Variants in MCTP2 observed in about 807,000 individuals in gnomAD.
MCTP2 encodes multiple C2 and transmembrane domain containing 2, also known as multiple C2 and transmembrane domain-containing protein 2.
MCTP2 carries 132 observed loss-of-function variants against 111.6 expected under a neutral mutation model. That is an observed-to-expected ratio of 1.18 (90% confidence interval 1.03 to 1.37). The LOEUF is 1.37. Ranked by LOEUF, MCTP2 falls within the 40% of genes most tolerant of loss-of-function variation. The pLI, the probability that MCTP2 is intolerant of heterozygous loss-of-function variation, is 0.00. For missense variants in MCTP2, 1,183 were observed against 1,067.9 expected (o/e 1.11, Z -1.50); for synonymous variants, 395 against 387.7 (o/e 1.02, Z -0.22).
intron 17 of MCTP2, among the ~76,000 whole-genome samples, chr15:94,424,613 T>C (rs1382001755): frequency 6.6e-6 from 1 of 152,176 alleles, no homozygotes; most frequent in Non-Finnish European, 1.5e-5. Context: ...CACTAGGTTT[T>C]GGGATATACA....
At chr15:94,377,179 A>G (rs1467192117) in intron 12 of MCTP2, among the ~76,000 whole-genome samples, 1 of 152,182 alleles carries the variant, frequency 6.6e-6, no homozygotes, top group Non-Finnish European at 1.5e-5. Flanking sequence ...ACATGCCCAT[A>G]TTATGGTTTC....
intron 20 of MCTP2, among the ~76,000 whole-genome samples, chr15:94,468,008 T>A (rs2073544745): frequency 6.6e-6 from 1 of 151,900 alleles, no homozygotes; most frequent in Non-Finnish European, 1.5e-5. Context: ...CCTGGCCAAA[T>A]CTAGACATTG....
chr15:94,467,030 TTATTAAA>T (rs1452597708), intron 20 of MCTP2, among the ~76,000 whole-genome samples: 2 of 152,214 alleles, frequency 1.3e-5, no homozygotes, highest in African/African-American at 4.8e-5. Context: ...TAGCTAACAC[TTATTAAA>T]TAGTGACTAT....
chr15:94,305,879 T>A (rs932964965), intron 2 of MCTP2, among the ~76,000 whole-genome samples: 14 of 152,198 alleles, frequency 9.2e-5, no homozygotes, highest in Non-Finnish European at 1.8e-4. Context: ...TATTTTTTTC[T>A]TCTTATCTAG....
In MCTP2 at chr15:94,356,287, A is replaced by G. The variant is rs1362915293; in HGVS notation, c.1156A>G (p.Arg386Gly). Residue 386 changes from arginine to glycine, a missense_variant, in exon 9 of 23, where the codon AGG becomes GGG. By Grantham distance (125) the Arg-to-Gly change is moderately radical (BLOSUM62 -2). Coordinates refer to ENST00000357742, the MANE Select transcript of MCTP2 (RefSeq NM_001385001.1). ...MFVQLKLGDQ[R>G]YKSKTLCKSA... ...TGTCCAGTTAAAACTGGGAGATCAG[A>G]GGTATAAAAGTAAGGTAAGTTCCAT... 1 of 1,606,456 alleles carries G rather than the reference A, an allele frequency of 6.2e-7. No homozygotes were observed. The highest frequency in any genetic ancestry group is 8.5e-7 in the Non-Finnish European group (1 of 1,176,816).
intron 14 of MCTP2, among the ~76,000 whole-genome samples, chr15:94,392,174 A>G (rs890267398): frequency 2.0e-5 from 3 of 152,034 alleles, no homozygotes; most frequent in African/African-American, 4.8e-5. Flanking sequence ...GATCGAGACT[A>G]TACTGGCTAA....
intron 1 of MCTP2, among the ~76,000 whole-genome samples, chr15:94,280,314 A>G (rs955257568): frequency 1.3e-5 from 2 of 151,028 alleles, no homozygotes; most frequent in African/African-American, 4.9e-5. Flanking sequence ...CAGAATTTCA[A>G]TTTCTTCTTG....
chr15:94,347,214 C>T (rs144826016), intron 8 of MCTP2, among the ~76,000 whole-genome samples: 2 of 152,246 alleles, frequency 1.3e-5, no homozygotes, highest in East Asian at 1.9e-4. Context: ...GACGCTTGAT[C>T]AACAACCTGT....
At chr15:94,418,967 A>G (rs1330712773) in intron 17 of MCTP2, among the ~76,000 whole-genome samples, 1 of 152,142 alleles carries the variant, frequency 6.6e-6, no homozygotes, top group Non-Finnish European at 1.5e-5. Context: ...AAGATAATAC[A>G]TTTTATATGT....
chr15:94,257,852 C>T (rs1056068976), intron 1 of MCTP2, among the ~76,000 whole-genome samples: 5 of 150,150 alleles, frequency 3.3e-5, no homozygotes, highest in African/African-American at 9.8e-5. Flanking sequence ...CCCAAAGTGT[C>T]AGGATTACAG....
intron 1 of MCTP2, among the ~76,000 whole-genome samples, chr15:94,256,702 C>T (rs562843384): frequency 4.6e-5 from 7 of 152,324 alleles, no homozygotes; most frequent in African/African-American, 1.4e-4. Flanking sequence ...CCATGTTCCT[C>T]TTTCCTGAGT....
intron 17 of MCTP2, chr15:94,403,163 T>C: frequency 1.0e-6 from 1 of 985,676 alleles, no homozygotes; most frequent in Non-Finnish European, 1.2e-6. Flanking sequence ...AGAGGACCTA[T>C]GCTGCCTGTA....
intron 21 of MCTP2, among the ~76,000 whole-genome samples, chr15:94,471,279 G>C (rs138085937): frequency 3.3e-5 from 5 of 152,130 alleles, no homozygotes; most frequent in Non-Finnish European, 7.3e-5. Context: ...CTCAATGCTC[G>C]TCACTTCCAG....
intron 1 of MCTP2, among the ~76,000 whole-genome samples, chr15:94,233,438 A>G (rs1276601960): frequency 6.6e-6 from 1 of 152,134 alleles, no homozygotes; most frequent in Non-Finnish European, 1.5e-5. Context: ...CTAATTTCCT[A>G]TTATTGGTGT....
intron 15 of MCTP2, chr15:94,399,693 G>A: frequency 2.2e-6 from 1 of 446,358 alleles, no homozygotes; most frequent in Non-Finnish European, 4.0e-6. Flanking sequence ...AATGAGCAAA[G>A]TGGAGACAGT....
chr15:94,432,131 A>G (rs1443474365), intron 17 of MCTP2, among the ~76,000 whole-genome samples: 1 of 152,134 alleles, frequency 6.6e-6, no homozygotes, highest in Non-Finnish European at 1.5e-5. Context: ...ACTTCCTGAG[A>G]TGTTGTTCTT....
intron 2 of MCTP2, among the ~76,000 whole-genome samples, chr15:94,302,879 A>G (rs990895543): frequency 5.9e-5 from 9 of 151,928 alleles, no homozygotes; most frequent in Non-Finnish European, 1.3e-4. Flanking sequence ...GGGGCAAATT[A>G]CAAAAGAAAG....
chr15:94,388,400 A>G (rs1299926137), intron 14 of MCTP2, among the ~76,000 whole-genome samples: 1 of 152,284 alleles, frequency 6.6e-6, no homozygotes, highest in Non-Finnish European at 1.5e-5. Context: ...CTTCTAGTGC[A>G]TCTGTGTGGG....
chr15:94,341,666 T>A (rs1011426946), intron 7 of MCTP2: 6 of 152,170 alleles, frequency 3.9e-5, no homozygotes, highest in African/African-American at 1.2e-4. Context: ...GTTGTAGCTT[T>A]TTATGATGAA....
Sources: gnomAD v4.1 joint callset for allele counts (sites outside exome capture counted in the v4.1 genomes callset) on GRCh38, gnomAD v4.1.1 for gene constraint, MANE v1.5 for transcripts, NCBI Gene and HGNC (gene_info 2026-07-23, HGNC 2026-07-21) for gene names.